NCAN: variants seen among roughly 807,000 people sequenced by gnomAD.
The protein encoded by NCAN is neurocan.
A neutral mutation model predicts 121.8 loss-of-function variants in NCAN; 47 were observed. The ratio of observed to expected loss-of-function variants is 0.39; its 90% CI spans 0.31 to 0.49. The LOEUF (loss-of-function observed/expected upper bound fraction) is 0.49. Among genes scored for constraint, NCAN ranks in the 20% least tolerant of loss-of-function variants. NCAN has a pLI of 0.92. For synonymous variants in NCAN, 633 were observed against 702.0 expected (o/e 0.90, Z 1.55); for missense variants, 1,517 against 1,773.4 (o/e 0.86, Z 2.60).
At chr19:19,218,438 G>A (rs988555516) in intron 2 of NCAN, among the ~76,000 whole-genome samples, 1 of 151,956 alleles carries the variant, frequency 6.6e-6, no homozygotes, top group Non-Finnish European at 1.5e-5. Context: ...ATTCTACCCT[G>A]GGCGATAGAG....
At chr19:19,213,949 C>G (rs2030251467) in intron 1 of NCAN, among the ~76,000 whole-genome samples, 1 of 152,174 alleles carries the variant, frequency 6.6e-6, no homozygotes, top group African/African-American at 2.4e-5. Flanking sequence ...CTGAGGGTCA[C>G]TCAGACTCAC....
chr19:19,214,727 GGTGTGTGTGTGTGTGTGT>G (rs56279536), intron 1 of NCAN, among the ~76,000 whole-genome samples: 2 of 141,150 alleles, frequency 1.4e-5, no homozygotes, highest in African/African-American at 2.6e-5. Context: ...CTGTTAACGG[GGTGTGTGTGTGTGTGTGT>G]GTGTGTGTGT....
At position 19,224,190 on chromosome 19, in the gene NCAN, T is replaced by C. The variant is rs1389310274; in HGVS notation, c.645T>C (p.Thr215=). The change falls in exon 4 of 15, where the codon ACT becomes ACC. Residue 215 remains threonine (T), a synonymous_variant. Coordinates refer to ENST00000252575, the MANE Select transcript of NCAN (RefSeq NM_004386.3). ...NCDAGWLSDR[T]VRYPITQSRP... ...ATGCTGGCTGGCTCTCTGACCGCAC[T>C]GTTCGGTGAGGGGGATACACAGGGC... The C allele has an allele frequency of 1.9e-6, 3 of 1,588,434 alleles. No homozygotes were observed. The highest frequency in any genetic ancestry group is 2.6e-6 in the Non-Finnish European group (3 of 1,161,616).
At chr19:19,230,873 C>T (rs1407561090) in intron 8 of NCAN, among the ~76,000 whole-genome samples, 1 of 143,594 alleles carries the variant, frequency 7.0e-6, no homozygotes, top group Non-Finnish European at 1.5e-5. Flanking sequence ...CATGCAACCA[C>T]CACACCCGGC....
In NCAN at chr19:19,233,876, A is replaced by T; in HGVS notation, c.3107A>T (p.Gln1036Leu). 6.2e-7 allele frequency: 1 copy of T among 1,613,588 alleles called. No individual in the cohort carries two copies. Among genetic ancestry groups the T allele is most frequent in the East Asian group, 2.2e-5 (1 of 44,886 alleles). ...ACCATGTATGGCTGTAGCTGTGATCAGGGCTTCGCCGGGGAGAACTGTGAG... is the reference window on the plus strand; with the variant it reads ...ACCATGTATGGCTGTAGCTGTGATCTGGGCTTCGCCGGGGAGAACTGTGAG... ...NGTMYGCSCDQGFAGENCEID... is the reference protein window; with the variant it reads ...NGTMYGCSCDLGFAGENCEID... Residue 1036 changes from glutamine (Q) to leucine (L), a missense_variant, in exon 9 of 15, where the codon CAG (glutamine) becomes CTG (leucine). By Grantham distance (113) the Gln-to-Leu change is moderately radical. Transcript: ENST00000252575.
chr19:19,223,640 T>G (rs1465809823), intron 3 of NCAN, among the ~76,000 whole-genome samples: 2 of 151,962 alleles, frequency 1.3e-5, no homozygotes, highest in Non-Finnish European at 2.9e-5. Flanking sequence ...GCCCAGCTAT[T>G]TTTTGTATTT....
At position 19,224,349 on chromosome 19, in the gene NCAN, A is replaced by G. The variant is rs776693147; in HGVS notation, c.694A>G (p.Ser232Gly). The G allele has an allele frequency of 2.5e-6, 4 of 1,614,072 alleles. No homozygotes were observed. The highest frequency in any genetic ancestry group is 3.4e-6 in the Non-Finnish European group (4 of 1,179,974). ...CCGTCCTGGTTGCTATGGCGACCGTAGCAGCCTTCCAGGGGTTCGGAGCTA... is the reference window on the plus strand; with the variant it reads ...CCGTCCTGGTTGCTATGGCGACCGTGGCAGCCTTCCAGGGGTTCGGAGCTA... ...QSRPGCYGDRSSLPGVRSYGR... is the reference protein window; with the variant it reads ...QSRPGCYGDRGSLPGVRSYGR... The change falls in exon 5 of 15, where the codon AGC becomes GGC. Residue 232 changes from serine (S) to glycine (G), a missense_variant. Physicochemically the swap from Ser to Gly is moderately conservative, Grantham distance 56. Transcript: ENST00000252575.
chr19:19,226,558 C>A lies in NCAN; in HGVS notation c.1145C>A (p.Ala382Glu). 1 of 1,613,548 alleles carries A rather than the reference C, an allele frequency of 6.2e-7. No homozygotes were observed. Among genetic ancestry groups the A allele is most frequent in the South Asian group, 1.1e-5 (1 of 91,086 alleles). Residue 382 changes from alanine to glutamate, a missense_variant, in exon 7 of 15, where the codon GCA becomes GAA. Transcript: ENST00000252575. ...SSGDEGEILS[A>E]EGPPVRELEP... is the part of the protein sequence containing the mutation. ...GGGGATGAGGGGGAGATTCTGTCAG[C>A]AGAGGGGCCCCCAGTTAGAGAACTG...
At chr19:19,217,135 G>T in intron 2 of NCAN, 109 bp downstream of exon 2, 1 of 745,176 alleles carries the variant, frequency 1.3e-6, no homozygotes, top group Non-Finnish European at 2.0e-6. Context: ...ATGGGCTAGA[G>T]AATAAAATGA....
In NCAN at chr19:19,226,786, T is replaced by C; in HGVS notation, c.1373T>C (p.Met458Thr). 6.2e-7 allele frequency: 1 copy of C among 1,613,316 alleles called. No homozygotes were observed. Among genetic ancestry groups the C allele is most frequent in the Non-Finnish European group, 8.5e-7 (1 of 1,179,956 alleles). ...ACGGTGGCCCCCAGCCCTAGCGACA[T>C]GGGGGCAGGCACTGCAGCAAGTTCA... Reference protein sequence around the residue: ...LSTVAPSPSDMGAGTAASSHT... With the variant: ...LSTVAPSPSDTGAGTAASSHT... Residue 458 changes from methionine to threonine, a missense_variant, in exon 7 of 15, where the codon ATG becomes ACG. Met to Thr is a moderately conservative substitution (Grantham distance 81). Coordinates refer to ENST00000252575, the MANE Select transcript of NCAN (RefSeq NM_004386.3).
At chr19:19,213,926 G>A (rs1033717691) in intron 1 of NCAN, among the ~76,000 whole-genome samples, 17 of 152,026 alleles carry the variant, frequency 1.1e-4, no homozygotes, top group African/African-American at 3.1e-4. Flanking sequence ...ACACATGTGC[G>A]CACAGCCCCC....
At chr19:19,236,203 C>A (rs2060880571) in intron 10 of NCAN, among the ~76,000 whole-genome samples, 1 of 152,186 alleles carries the variant, frequency 6.6e-6, no homozygotes, top group Admixed American at 6.6e-5. Context: ...TCCCTGGCAA[C>A]CACTAATCTG....
chr19:19,224,369 G>T lies in NCAN; in HGVS notation c.714G>T (p.Arg238=). ...ACCGTAGCAGCCTTCCAGGGGTTCG[G>T]AGCTATGGGAGGCGCAACCCACAGG... ...YGDRSSLPGV[R]SYGRRNPQEL... Residue 238 remains arginine (R), a synonymous_variant, in exon 5 of 15, where the codon CGG becomes CGT. Coordinates refer to ENST00000252575, the MANE Select transcript of NCAN (RefSeq NM_004386.3). 6.2e-7 allele frequency: 1 copy of T among 1,614,066 alleles called. No homozygotes were observed. The highest frequency in any genetic ancestry group is 8.5e-7 in the Non-Finnish European group (1 of 1,179,994).
At position 19,225,417 on chromosome 19, in the gene NCAN, G is replaced by T; in HGVS notation, c.1072+147G>T. On this transcript the variant is annotated intron_variant, in intron 6 of 14. Coordinates refer to ENST00000252575, the MANE Select transcript of NCAN (RefSeq NM_004386.3). The surrounding 1 kb of genome is among the most constrained non-coding windows in gnomAD (Gnocchi z 4.0). Reference sequence around the variant, plus strand: ...CCCTGGGTGAGGGCCACGCCCCCGGGTGAAGGCCACACCCGTTACGACAAG... The same window carrying T: ...CCCTGGGTGAGGGCCACGCCCCCGGTTGAAGGCCACACCCGTTACGACAAG... 9.5e-7 allele frequency: 1 copy of T among 1,054,540 alleles called. No individual in the cohort carries two copies. Among genetic ancestry groups the T allele is most frequent in the Non-Finnish European group, 1.3e-6 (1 of 774,580 alleles). 65.3% of individuals were successfully genotyped at this position (1,054,540 alleles called of 1,614,324 possible).
chr19:19,233,805 T>C lies in NCAN; in HGVS notation c.3036T>C (p.Cys1012=). Residue 1012 remains cysteine, a synonymous_variant, in exon 9 of 15, where the codon TGT becomes TGC. Transcript: ENST00000252575. ...AGAEEVHSDP[C]ENNPCLHGGT... is the part of the protein sequence containing the mutation. ...ATCCTGCAGTGCACTCAGATCCCTG[T>C]GAGAACAACCCTTGTCTTCATGGAG... 6.2e-7 allele frequency: 1 copy of C among 1,609,694 alleles called. No individual in the cohort carries two copies.
At chr19:19,233,311 T>C (rs545204396) in intron 8 of NCAN, among the ~76,000 whole-genome samples, 1 of 146,388 alleles carries the variant, frequency 6.8e-6, no homozygotes, top group Non-Finnish European at 1.5e-5. Context: ...CCTGACAGGA[T>C]CTGGGTTGGC....
At position 19,245,199 on chromosome 19, in the gene NCAN, C is replaced by T. The variant is rs1379773523; in HGVS notation, c.3493-114C>T. 12 of 1,328,728 alleles carry T rather than the reference C, an allele frequency of 9.0e-6. No homozygotes were observed. In the East Asian group the frequency reaches 2.3e-4, roughly 25 times the overall value. 82.3% of individuals were successfully genotyped at this position (1,328,728 alleles called of 1,614,324 possible). ...AGTGGCCATTGTAGAGATGGGAACA[C>T]TGAATCCCTGTGAGTTTGAGGGGTC... On this transcript the variant is annotated intron_variant, in intron 12 of 14. Coordinates refer to ENST00000252575, the MANE Select transcript of NCAN (RefSeq NM_004386.3).
At chr19:19,235,939 G>T (rs1015269581) in intron 10 of NCAN, among the ~76,000 whole-genome samples, 1 of 152,062 alleles carries the variant, frequency 6.6e-6, no homozygotes, top group Admixed American at 6.6e-5. Flanking sequence ...TAGAGACAAG[G>T]TTTCACCATG....
intron 12 of NCAN, among the ~76,000 whole-genome samples, chr19:19,242,087 T>G (rs1046042153): frequency 6.6e-6 from 1 of 151,790 alleles, no homozygotes; most frequent in African/African-American, 2.4e-5. Context: ...CCCAGCTACT[T>G]GGGAGGCTGA....
Sources: allele counts gnomAD v4.1 joint callset (sites outside exome capture counted in the v4.1 genomes callset), GRCh38; gene constraint gnomAD v4.1.1; non-coding constraint Gnocchi (gnomAD v3.1); transcripts MANE v1.5; gene names NCBI Gene and HGNC (gene_info 2026-07-23, HGNC 2026-07-21).